Variants in CCDC126 observed in about 807,000 individuals in gnomAD.
The protein encoded by CCDC126 is coiled-coil domain containing 126, also known as coiled-coil domain-containing protein 126.
A neutral mutation model predicts 11.7 loss-of-function variants in CCDC126; 5 were observed. That is an observed-to-expected ratio of 0.43 (90% CI 0.22 to 0.90). The LOEUF (loss-of-function observed/expected upper bound fraction) is 0.90. Ranked by LOEUF, CCDC126 falls within the 40% of genes least tolerant of loss-of-function variation. The pLI is 0.27. For synonymous variants in CCDC126, 60 were observed against 61.9 expected, an observed-to-expected ratio of 0.97 and a Z score of 0.14; for missense variants, 150 against 163.1, an observed-to-expected ratio of 0.92 and a Z score of 0.44.
chr7:23,612,423 C>T lies in CCDC126; in HGVS notation c.238+870C>T, dbSNP rs141522249. 6.6e-3 allele frequency among the ~76,000 whole-genome samples: 780 copies of T among 117,436 alleles called. 9 individuals carry two copies. Among genetic ancestry groups the T allele is most frequent in the African/African-American group, 0.025 (755 of 30,252 alleles). 77.0% of individuals were successfully genotyped at this position (117,436 alleles called of 152,430 possible). A position where few individuals can be genotyped will look rare whatever the true frequency, so the allele number is the denominator to read the frequency against. ...CCAGGAGGTGGAGGTTGTGGTGAGT[C>T]GAGATTGTGCCACTGAATTCTAGCT... On this transcript the variant is annotated intron_variant, in intron 3 of 3. Transcript: ENST00000307471.
Position 23,609,125 on chromosome 7 carries a change from C to A in CCDC126, c.-145-2046C>A, listed in dbSNP as rs112516008. On this transcript the variant is annotated intron_variant, in intron 2 of 3. Transcript: ENST00000307471. ...ACAATAATGGTATTACCTCCAGGAA[C>A]AATTTGGGGAGGTTCCAAATTTTGC... Among the ~76,000 whole-genome samples, 27 of 152,154 alleles carry A rather than the reference C, an allele frequency of 1.8e-4. 2 individuals carry two copies. Among genetic ancestry groups the A allele is most frequent in the African/African-American group, 4.6e-4 (19 of 41,514 alleles).
chr7:23,639,340 T>C (rs934158946), intron 3 of CCDC126, among the ~76,000 whole-genome samples: 17 of 152,100 alleles, frequency 1.1e-4, no homozygotes, highest in Admixed American at 6.6e-5. Flanking sequence ...TACAGACATG[T>C]GCCATCACGC....
chr7:23,620,847 A>G (rs1326829541), intron 3 of CCDC126, among the ~76,000 whole-genome samples: 1 of 152,108 alleles, frequency 6.6e-6, no homozygotes, highest in Non-Finnish European at 1.5e-5. Flanking sequence ...TCCTTTCCCC[A>G]TTGCTTGTTT....
At chr7:23,619,703 G>A (rs1487387251) in intron 3 of CCDC126, 3 of 161,086 alleles carry the variant, frequency 1.9e-5, no homozygotes, top group Non-Finnish European at 2.6e-5. Flanking sequence ...TTTACATTAG[G>A]TATATCTCCT....
At position 23,643,861 on chromosome 7, in the gene CCDC126, T is replaced by A. The variant is rs1273453685; in HGVS notation, c.*746T>A. Reference sequence around the variant, plus strand: ...ACTTATTGAAGAATAAAAGATATTTTTATGATGAGAGTAACAATAAAGTAT... The same window carrying A: ...ACTTATTGAAGAATAAAAGATATTTATATGATGAGAGTAACAATAAAGTAT... On this transcript the variant is annotated 3_prime_UTR_variant, in exon 4 of 4. Transcript: ENST00000307471. The A allele has an allele frequency of 6.6e-6, 1 of 152,160 alleles. No homozygotes were observed. Among genetic ancestry groups the A allele is most frequent in the Non-Finnish European group, 1.5e-5 (1 of 67,984 alleles). 9.4% of individuals were successfully genotyped at this position (152,160 alleles called of 1,614,324 possible).
At chr7:23,600,345 T>C (rs1193386902) in intron 2 of CCDC126, among the ~76,000 whole-genome samples, 2 of 150,678 alleles carry the variant, frequency 1.3e-5, no homozygotes, top group Non-Finnish European at 2.9e-5. Context: ...TAGACCTTAT[T>C]ATGGAGCGAA....
intron 2 of CCDC126, among the ~76,000 whole-genome samples, chr7:23,599,474 G>A (rs932493919): frequency 6.6e-6 from 1 of 151,852 alleles, no homozygotes; most frequent in Non-Finnish European, 1.5e-5. Context: ...TGCATAGTGT[G>A]TGTCTATGTA....
intron 3 of CCDC126, among the ~76,000 whole-genome samples, chr7:23,624,774 G>A (rs1056292167): frequency 9.2e-5 from 14 of 152,288 alleles, no homozygotes; most frequent in African/African-American, 3.1e-4. Flanking sequence ...TTTTCACTAA[G>A]TTACTGTAAA....
chr7:23,604,812 T>C (rs1382109768), intron 2 of CCDC126, among the ~76,000 whole-genome samples: 2 of 151,748 alleles, frequency 1.3e-5, no homozygotes, highest in Non-Finnish European at 2.9e-5. Context: ...CTGGCTAACA[T>C]GGTGAAACCC....
intron 2 of CCDC126, among the ~76,000 whole-genome samples, chr7:23,599,224 G>A (rs1361856684): frequency 1.3e-5 from 2 of 152,124 alleles, no homozygotes; most frequent in Non-Finnish European, 2.9e-5. Context: ...CCCTATACCT[G>A]TTGTGCCTGA....
intron 3 of CCDC126, chr7:23,619,377 C>T (rs1478583114): frequency 7.7e-6 from 3 of 390,546 alleles, no homozygotes; most frequent in Non-Finnish European, 1.5e-5. Context: ...CCATGAAGCG[C>T]ATGCTTAAAC....
intron 2 of CCDC126, among the ~76,000 whole-genome samples, chr7:23,609,225 C>T (rs1221351887): frequency 3.9e-5 from 6 of 152,054 alleles, no homozygotes; most frequent in African/African-American, 1.4e-4. Flanking sequence ...CTCTTGTTGC[C>T]CAGGCTGGAG....
chr7:23,619,297 C>A, intron 3 of CCDC126: 1 of 258,084 alleles, frequency 3.9e-6, no homozygotes. Context: ...ATGTAACAAA[C>A]CTGCACATCT....
chr7:23,628,252 A>G (rs1292757607), intron 3 of CCDC126, among the ~76,000 whole-genome samples: 2 of 152,186 alleles, frequency 1.3e-5, no homozygotes, highest in East Asian at 3.8e-4. Flanking sequence ...CATTTTATAT[A>G]AGACTCTGGA....
intron 3 of CCDC126, among the ~76,000 whole-genome samples, chr7:23,637,433 G>A (rs1223045019): frequency 1.4e-3 from 105 of 76,534 alleles, no homozygotes; most frequent in Admixed American, 5.2e-3. Flanking sequence ...AGGGAGGTGG[G>A]GGGGTCAGCC....
intron 2 of CCDC126, among the ~76,000 whole-genome samples, chr7:23,609,783 G>A (rs1287827157): frequency 6.6e-6 from 1 of 152,182 alleles, no homozygotes; most frequent in Non-Finnish European, 1.5e-5. Context: ...GATAGCTTGA[G>A]CCTGGGAGGT....
At chr7:23,624,967 C>G (rs1424967606) in intron 3 of CCDC126, among the ~76,000 whole-genome samples, 1 of 152,154 alleles carries the variant, frequency 6.6e-6, no homozygotes, top group African/African-American at 2.4e-5. Flanking sequence ...CTTAGCCACC[C>G]AAGTAGCTGA....
chr7:23,606,921 C>T (rs1017202127), intron 2 of CCDC126, among the ~76,000 whole-genome samples: 4 of 151,108 alleles, frequency 2.6e-5, no homozygotes, highest in Non-Finnish European at 5.9e-5. Flanking sequence ...CGTAATGAGA[C>T]CCCTCTAAAA....
intron 2 of CCDC126, among the ~76,000 whole-genome samples, chr7:23,603,655 T>C (rs1413827853): frequency 6.6e-6 from 1 of 152,210 alleles, no homozygotes; most frequent in Non-Finnish European, 1.5e-5. Flanking sequence ...CTTCTCAGGT[T>C]CTTCCAGTCT....
Sources: allele counts gnomAD v4.1 joint callset (sites outside exome capture counted in the v4.1 genomes callset), GRCh38; gene constraint gnomAD v4.1.1; transcripts MANE v1.5; gene names NCBI Gene and HGNC (gene_info 2026-07-23, HGNC 2026-07-21).